The following KCNQ2 variants were observed in gnomAD, a reference collection of about 807,000 sequenced individuals.
KCNQ2 encodes potassium voltage-gated channel subfamily Q member 2.
KCNQ2 carries 14 observed loss-of-function variants against 84.8 expected under a neutral mutation model. That is an observed-to-expected ratio of 0.17 (90% confidence interval 0.11 to 0.26). KCNQ2 has a LOEUF of 0.26. Among genes scored for constraint, KCNQ2 ranks in the 10% least tolerant of loss-of-function variants. The pLI is 1.00. For synonymous variants in KCNQ2, 599 were observed against 554.1 expected, an observed-to-expected ratio of 1.08 and a Z score of -1.14; for missense variants, 788 against 1,254.0, an observed-to-expected ratio of 0.63 and a Z score of 5.61.
At position 63,400,340 on chromosome 20, in the gene KCNQ2, G is replaced by A. The variant is rs887659311; in HGVS notation, c.*6304C>T. ...CAGGACCCCACACCCGAAGTCCCCCGCAAACCCGCACTGGCGCATTCTTAC... is the reference window on the plus strand; with the variant it reads ...CAGGACCCCACACCCGAAGTCCCCCACAAACCCGCACTGGCGCATTCTTAC... On this transcript the variant is annotated 3_prime_UTR_variant, in exon 17 of 17. Coordinates refer to ENST00000359125, the MANE Select transcript of KCNQ2 (RefSeq NM_172107.4). This position sits in a 1 kb window ranked among gnomAD's most constrained non-coding sequence, Gnocchi z 8.7. 1.8e-5 allele frequency: 6 copies of A among 326,784 alleles called. No individual in the cohort carries two copies. The highest frequency in any genetic ancestry group is 1.4e-4 in the East Asian group (3 of 21,272). The allele number at this position is 326,784 out of a possible 1,614,324, so 20.2% of individuals were successfully genotyped here.
chr20:63,427,855 A>G (rs1458981604), intron 10 of KCNQ2, among the ~76,000 whole-genome samples: 1 of 152,156 alleles, frequency 6.6e-6, no homozygotes, highest in Non-Finnish European at 1.5e-5. Context: ...GCTTTCAGAC[A>G]TGGAACTGCT....
chr20:63,415,642 G>C (rs2080275629), intron 12 of KCNQ2, among the ~76,000 whole-genome samples: 1 of 152,104 alleles, frequency 6.6e-6, no homozygotes, highest in African/African-American at 2.4e-5. Context: ...GAGAGTTGAT[G>C]TCTGTGGACT....
chr20:63,471,199 G>A (rs2082205411), intron 1 of KCNQ2: 1 of 152,348 alleles, frequency 6.6e-6, no homozygotes, highest in South Asian at 2.1e-4. Flanking sequence ...CGGTCCCGGA[G>A]CTCAGCGGGT....
At chr20:63,445,528 G>T in intron 2 of KCNQ2, 164 bp from the exon 3 acceptor site, 1 of 661,370 alleles carries the variant, frequency 1.5e-6, no homozygotes, top group Non-Finnish European at 2.5e-6. Flanking sequence ...CAGCCTCTGG[G>T]CAGGAAGGGT....
chr20:63,464,178 C>T (rs981930566), intron 1 of KCNQ2, among the ~76,000 whole-genome samples: 2 of 152,118 alleles, frequency 1.3e-5, no homozygotes, highest in African/African-American at 4.8e-5. Flanking sequence ...AACCACCACT[C>T]CCCCTGCGAG....
At chr20:63,470,519 C>T (rs1289341623) in intron 1 of KCNQ2, among the ~76,000 whole-genome samples, 1 of 152,186 alleles carries the variant, frequency 6.6e-6, no homozygotes. Flanking sequence ...CCACGCAGGC[C>T]CAGGCAGGGG....
intron 9 of KCNQ2, among the ~76,000 whole-genome samples, chr20:63,429,491 G>C (rs538171957): frequency 6.6e-6 from 1 of 152,172 alleles, no homozygotes; most frequent in Admixed American, 6.5e-5. Context: ...CTATGGCCAC[G>C]GCCACCCCCT....
chr20:63,466,478 G>C lies in KCNQ2; in HGVS notation c.296+5690C>G, dbSNP rs978797465. The C allele has an allele frequency of 4.6e-5, 7 of 152,380 alleles. No individual in the cohort carries two copies. The East Asian group carries it at 1.4e-3, about 29-fold the overall frequency. 9.4% of individuals were successfully genotyped at this position (152,380 alleles called of 1,614,324 possible). A position where few individuals can be genotyped will look rare whatever the true frequency, so the allele number is the denominator to read the frequency against. ...CGGAGGGGCAGAGCGACGCCGTCCC[G>C]GACCGGCCAGCCATCCTCCCTCCTG... On this transcript the variant is annotated intron_variant, in intron 1 of 16. Coordinates refer to ENST00000359125, the MANE Select transcript of KCNQ2 (RefSeq NM_172107.4).
chr20:63,472,070 A>T, intron 1 of KCNQ2, 98 bp downstream of exon 1: 1 of 880,636 alleles, frequency 1.1e-6, no homozygotes. Context: ...AGGGGCAGGG[A>T]GCCAAACCCG....
At position 63,419,625 on chromosome 20, in the gene KCNQ2, C is replaced by T. The variant is rs758074713; in HGVS notation, c.1295G>A (p.Arg432His). Residue 432 changes from arginine (R) to histidine (H), a missense_variant, in exon 12 of 17, where the codon CGC becomes CAC. Arg to His is a conservative substitution (Grantham distance 29). This residue lies in a region of KCNQ2 where 202 missense variants were observed against 239.4 expected (regional missense o/e 0.84). Transcript: ENST00000359125. ...GCGGCGTGTTCCGCGGTACCTAGAG[C>T]GTCCGGGGCAGCATCCACACAGGGG... The part of the protein sequence containing the change: ...RGPLCGCCPG[R>H]SSQKVSLKDR... The T allele has an allele frequency of 1.2e-6, 2 of 1,610,370 alleles. No individual in the cohort carries two copies. The highest frequency in any genetic ancestry group is 1.7e-6 in the Non-Finnish European group (2 of 1,179,252).
In KCNQ2 at chr20:63,406,659, G is replaced by A. The variant is rs572267938; in HGVS notation, c.2604C>T (p.Ala868=). The change falls in exon 17 of 17, where the codon GCC becomes GCT. Residue 868 remains alanine (A), a synonymous_variant. Coordinates refer to ENST00000359125, the MANE Select transcript of KCNQ2 (RefSeq NM_172107.4). ...CAGCGCCGCCTCACTTCCTGGGCCC[G>A]GCCCAGCCCACGTCACCAAAGGGAC... is the stretch of plus-strand genomic sequence containing the variant. ...GEGPFGDVGW[A]GPRK 3.6e-5 allele frequency: 57 copies of A among 1,594,378 alleles called. No homozygotes were observed. Among genetic ancestry groups the A allele is most frequent in the East Asian group, 3.2e-4 (14 of 44,426 alleles).
At position 63,408,798 on chromosome 20, in the gene KCNQ2, C is replaced by A. The variant is rs575857107; in HGVS notation, c.1764-262G>T. On this transcript the variant is annotated intron_variant, in intron 15 of 16. Coordinates refer to ENST00000359125, the MANE Select transcript of KCNQ2 (RefSeq NM_172107.4). This position sits in a 1 kb window ranked among gnomAD's most constrained non-coding sequence, Gnocchi z 5.0. ...TAGCGAGGAGTAAAGTAAGGACGCT[C>A]CCACCAGGGCCGAGTCGCCCGGCTC... 6.6e-6 allele frequency among the ~76,000 whole-genome samples: 1 copy of A among 152,228 alleles called. No individual in the cohort carries two copies. Among genetic ancestry groups the A allele is most frequent in the South Asian group, 2.1e-4 (1 of 4,834 alleles).
chr20:63,429,461 C>G (rs1421598501), intron 9 of KCNQ2, among the ~76,000 whole-genome samples: 5 of 152,136 alleles, frequency 3.3e-5, no homozygotes, highest in African/African-American at 9.7e-5. Flanking sequence ...CAGCCCTCAC[C>G]CAGCTGACTC....
chr20:63,431,521 C>A (rs2080786780), intron 8 of KCNQ2, 152 bp from the exon 9 acceptor site: 1 of 866,020 alleles, frequency 1.2e-6, no homozygotes, highest in Admixed American at 2.0e-5. Context: ...TGTCCCTGCC[C>A]TGGGCTGAGA....
chr20:63,400,366 G>T lies in KCNQ2; in HGVS notation c.*6278C>A. Reference sequence around the variant, plus strand: ...CAAACCCGCACTGGCGCATTCTTACGGCTCTGGCATCAACCTGTCCGTGTG... The same window carrying T: ...CAAACCCGCACTGGCGCATTCTTACTGCTCTGGCATCAACCTGTCCGTGTG... On this transcript the variant is annotated 3_prime_UTR_variant, in exon 17 of 17. Transcript: ENST00000359125. This position sits in a 1 kb window ranked among gnomAD's most constrained non-coding sequence, Gnocchi z 8.7. 2.7e-6 allele frequency: 1 copy of T among 365,938 alleles called. No homozygotes were observed. The highest frequency in any genetic ancestry group is 4.8e-6 in the Non-Finnish European group (1 of 206,208). The allele number at this position is 365,938 out of a possible 1,614,324, so 22.7% of individuals were successfully genotyped here. A position where few individuals can be genotyped will look rare whatever the true frequency, so the allele number is the denominator to read the frequency against.
Position 63,408,902 on chromosome 20 carries a change from T to C in KCNQ2, c.1764-366A>G, listed in dbSNP as rs1180131781. On this transcript the variant is annotated intron_variant, in intron 15 of 16. Transcript: ENST00000359125. The surrounding 1 kb of genome is among the most constrained non-coding windows in gnomAD (Gnocchi z 5.0). ...CACCCTCTTCCCTGCCCAAGGCCTA[T>C]TGGCCCCACAGCCCACGGAGGGTCT... Among the ~76,000 whole-genome samples the C allele has an allele frequency of 6.6e-6, 1 of 152,204 alleles. No homozygotes were observed. The highest frequency in any genetic ancestry group is 1.9e-4 in the East Asian group (1 of 5,182).
chr20:63,463,376 C>G (rs2082004372), intron 1 of KCNQ2, among the ~76,000 whole-genome samples: 1 of 152,168 alleles, frequency 6.6e-6, no homozygotes, highest in South Asian at 2.1e-4. Flanking sequence ...CCCCGATATC[C>G]CTGCCTCCCT....
At chr20:63,443,022 C>T (rs1003744926) in intron 4 of KCNQ2, among the ~76,000 whole-genome samples, 114 of 60,754 alleles carry the variant, frequency 1.9e-3, no homozygotes, top group Middle Eastern at 0.013. Flanking sequence ...ATCACCACCA[C>T]CATCACATCA....
intron 8 of KCNQ2, among the ~76,000 whole-genome samples, chr20:63,432,777 G>T (rs1388158063): frequency 7.6e-6 from 1 of 132,072 alleles, no homozygotes; most frequent in Non-Finnish European, 1.8e-5. Context: ...CACCCTCAGG[G>T]AAGGCCCCAC....
Sources: gnomAD v4.1 joint callset for allele counts (sites outside exome capture counted in the v4.1 genomes callset) on GRCh38, gnomAD v4.1.1 for gene constraint, gnomAD v4.1.1 regional missense constraint, Gnocchi (gnomAD v3.1) non-coding constraint, MANE v1.5 for transcripts, NCBI Gene and HGNC (gene_info 2026-07-23, HGNC 2026-07-21) for gene names.